CSMD1: variants seen among roughly 807,000 people sequenced by gnomAD.
The protein encoded by CSMD1 is CUB and sushi domain-containing protein 1.
In CSMD1, 213 loss-of-function variants were observed where a neutral mutation model predicts 417.5. The observed-to-expected ratio is 0.51, with a 90% CI of 0.46 to 0.57. CSMD1 has a LOEUF of 0.57. CSMD1 is among the 20% of genes least tolerant of loss of function. CSMD1 has a pLI of 0.00. For synonymous variants in CSMD1, 2,862 were observed against 1,736.8 expected (o/e 1.65, Z -16.11); for missense variants, 6,923 against 4,529.7 (o/e 1.53, Z -15.17).
chr8:4,411,785 G>T (rs186817173), intron 3 of CSMD1, among the ~76,000 whole-genome samples: 2 of 152,058 alleles, frequency 1.3e-5, no homozygotes, highest in African/African-American at 2.4e-5. Flanking sequence ...CACCAAAATG[G>T]AATCACGTGG....
chr8:4,628,343 T>C (rs1802244793), intron 2 of CSMD1, among the ~76,000 whole-genome samples: 2 of 150,230 alleles, frequency 1.3e-5, no homozygotes, highest in Admixed American at 1.3e-4. Flanking sequence ...TTTTCACTCA[T>C]ATATATATAC....
At chr8:4,089,268 G>C (rs1320720841) in intron 3 of CSMD1, among the ~76,000 whole-genome samples, 2 of 152,128 alleles carry the variant, frequency 1.3e-5, no homozygotes, top group Non-Finnish European at 2.9e-5. Flanking sequence ...ATTTTCTCCA[G>C]GAATTAGTGG....
intron 5 of CSMD1, among the ~76,000 whole-genome samples, chr8:3,839,532 A>G (rs1468169435): frequency 1.3e-5 from 1 of 79,140 alleles, no homozygotes; most frequent in African/African-American, 4.0e-5. Flanking sequence ...AATATATGTT[A>G]AGATTTTATA....
At chr8:4,405,687 A>G (rs1430721512) in intron 3 of CSMD1, among the ~76,000 whole-genome samples, 1 of 152,226 alleles carries the variant, frequency 6.6e-6, no homozygotes, top group Non-Finnish European at 1.5e-5. Context: ...GCTAAGCTCC[A>G]TAAAACAGGA....
chr8:3,037,114 G>A (rs578174666), intron 50 of CSMD1, among the ~76,000 whole-genome samples: 6 of 152,216 alleles, frequency 3.9e-5, no homozygotes, highest in Non-Finnish European at 7.4e-5. Context: ...TTAGAATAAT[G>A]GCCTCCAGCT....
intron 2 of CSMD1, among the ~76,000 whole-genome samples, chr8:4,552,724 A>T (rs938641660): frequency 2.0e-5 from 3 of 152,208 alleles, no homozygotes; most frequent in Non-Finnish European, 4.4e-5. Flanking sequence ...AAGCTTTAAA[A>T]TTTAAAGTGA....
rs555412878 is a variant in CSMD1 at position 4,017,061 on chromosome 8, C to T, written c.610+14844G>A. ...AAAGGAACAAAAGCAGATATTCATCCGGAGGCAAGACTTCAGAATGTACTC... is the reference window on the plus strand; with the variant it reads ...AAAGGAACAAAAGCAGATATTCATCTGGAGGCAAGACTTCAGAATGTACTC... On this transcript the variant is annotated intron_variant, in intron 4 of 69. Coordinates refer to ENST00000635120, the MANE Select transcript of CSMD1 (RefSeq NM_033225.6). Among the ~76,000 whole-genome samples, 507 of 152,256 alleles carry T rather than the reference C, an allele frequency of 3.3e-3. 1 individual carries two copies. Among genetic ancestry groups the T allele is most frequent in the Middle Eastern group, 0.02 (6 of 294 alleles).
At chr8:3,036,356 G>C (rs566623777) in intron 50 of CSMD1, among the ~76,000 whole-genome samples, 1 of 152,136 alleles carries the variant, frequency 6.6e-6, no homozygotes, top group Non-Finnish European at 1.5e-5. Flanking sequence ...TCAGCCCCTA[G>C]ATTCTGGATG....
rs144619606 is a variant in CSMD1, at chr8:4,893,150, G to A, written c.85+101182C>T. On this transcript the variant is annotated intron_variant, in intron 1 of 69. Coordinates refer to ENST00000635120, the MANE Select transcript of CSMD1 (RefSeq NM_033225.6). ...TGACAGGTAAACATAATACCTTTTT[G>A]TTGTTTTAATTTGCTTTTCTGTGAT... is the stretch of plus-strand genomic sequence containing the variant. 3.4e-3 allele frequency among the ~76,000 whole-genome samples: 521 copies of A among 152,096 alleles called. 9 individuals are homozygous for A. Among genetic ancestry groups the A allele is most frequent in the South Asian group, 0.022 (105 of 4,824 alleles).
At chr8:3,298,461 T>G (rs1804134968) in intron 25 of CSMD1, among the ~76,000 whole-genome samples, 1 of 151,956 alleles carries the variant, frequency 6.6e-6, no homozygotes, top group African/African-American at 2.4e-5. Flanking sequence ...ACAATCTCTC[T>G]CTCTCTTTTT....
intron 3 of CSMD1, among the ~76,000 whole-genome samples, chr8:4,203,799 T>C (rs866694254): frequency 6.6e-6 from 1 of 152,120 alleles, no homozygotes; most frequent in African/African-American, 2.4e-5. Context: ...AATTTGAGGA[T>C]GGATTAAAAC....
At chr8:3,872,956 T>A (rs1805578052) in intron 5 of CSMD1, among the ~76,000 whole-genome samples, 1 of 151,062 alleles carries the variant, frequency 6.6e-6, no homozygotes. Flanking sequence ...GAAAAAAAGC[T>A]CAACATCACT....
chr8:3,963,877 TAAC>T (rs1294792810), intron 5 of CSMD1, among the ~76,000 whole-genome samples: 2 of 152,234 alleles, frequency 1.3e-5, no homozygotes, highest in Non-Finnish European at 2.9e-5. Context: ...GTATAGATGT[TAAC>T]TGACACTCGG....
intron 42 of CSMD1, among the ~76,000 whole-genome samples, chr8:3,113,896 G>A (rs540065762): frequency 4.6e-5 from 7 of 152,066 alleles, no homozygotes; most frequent in African/African-American, 1.7e-4. Flanking sequence ...GAGATGGATA[G>A]GCATATTAAG....
chr8:4,916,078 C>T lies in CSMD1; in HGVS notation c.85+78254G>A, dbSNP rs370858586. ...AAGGCAACGCCAGCACTTCAGATTA[C>T]GTTCATATGCCAGAAAGACAGGTGG... On this transcript the variant is annotated intron_variant, in intron 1 of 69. Coordinates refer to ENST00000635120, the MANE Select transcript of CSMD1 (RefSeq NM_033225.6). Among the ~76,000 whole-genome samples, 19 of 152,288 alleles carry T rather than the reference C, an allele frequency of 1.2e-4. No homozygotes were observed. The East Asian group carries it at 1.9e-3, about 15-fold the overall frequency.
chr8:4,205,086 A>C (rs1799897716), intron 3 of CSMD1, among the ~76,000 whole-genome samples: 1 of 152,182 alleles, frequency 6.6e-6, no homozygotes, highest in Non-Finnish European at 1.5e-5. Flanking sequence ...TGTAAACATC[A>C]AATGCTTTAA....
At chr8:4,094,488 T>C (rs1215050663) in intron 3 of CSMD1, among the ~76,000 whole-genome samples, 1 of 152,166 alleles carries the variant, frequency 6.6e-6, no homozygotes, top group East Asian at 1.9e-4. Context: ...GGATTAACGC[T>C]GGAGCAACCA....
intron 3 of CSMD1, among the ~76,000 whole-genome samples, chr8:4,144,392 T>A (rs1303957778): frequency 6.6e-6 from 1 of 151,216 alleles, no homozygotes; most frequent in East Asian, 1.9e-4. Flanking sequence ...ACTTAATTTA[T>A]CTTTTCTGTT....
chr8:3,280,938 A>T (rs1175411028), intron 26 of CSMD1, among the ~76,000 whole-genome samples: 1 of 152,204 alleles, frequency 6.6e-6, no homozygotes, highest in Non-Finnish European at 1.5e-5. Context: ...GCCAGGTTTC[A>T]ACAGTGATTG....
Sources: gnomAD v4.1 joint callset for allele counts (sites outside exome capture counted in the v4.1 genomes callset) on GRCh38, gnomAD v4.1.1 for gene constraint, MANE v1.5 for transcripts, NCBI Gene and HGNC (gene_info 2026-07-23, HGNC 2026-07-21) for gene names.